The following INTS8 variants were observed in gnomAD, a reference collection of about 807,000 sequenced individuals.
INTS8 encodes the protein protein kaonashi-1.
In INTS8, 47 loss-of-function variants were observed where a neutral mutation model predicts 138.9. The observed-to-expected ratio is 0.34, with a 90% CI of 0.27 to 0.43. The LOEUF is 0.43. INTS8 is among the 20% of genes least tolerant of loss of function. The pLI is 1.00. For missense variants in INTS8, 996 were observed against 1,173.0 expected (o/e 0.85, Z 2.20); for synonymous variants, 392 against 400.9 (o/e 0.98, Z 0.27).
At chr8:94,842,132 G>C (rs995287986) in intron 9 of INTS8, among the ~76,000 whole-genome samples, 1 of 150,502 alleles carries the variant, frequency 6.6e-6, no homozygotes, top group Admixed American at 6.6e-5. Flanking sequence ...CCATTCTGTT[G>C]TCTAATATGT....
intron 16 of INTS8, among the ~76,000 whole-genome samples, chr8:94,864,111 G>T (rs906965939): frequency 3.3e-5 from 5 of 152,096 alleles, no homozygotes; most frequent in Admixed American, 2.0e-4. Flanking sequence ...AAAAATTTAT[G>T]TAGATATATA....
intron 15 of INTS8, among the ~76,000 whole-genome samples, chr8:94,858,307 G>T (rs1488278205): frequency 2.6e-5 from 4 of 152,192 alleles, no homozygotes; most frequent in Non-Finnish European, 5.9e-5. Flanking sequence ...TCTAATTAAA[G>T]TCTAATTTCC....
At chr8:94,878,543 G>A (rs536873111) in intron 26 of INTS8, among the ~76,000 whole-genome samples, 8 of 152,188 alleles carry the variant, frequency 5.3e-5, no homozygotes, top group Non-Finnish European at 1.0e-4. Context: ...ATTTGATGAA[G>A]GCAAATTTTT....
At chr8:94,879,662 G>A (rs1816719659) in intron 26 of INTS8, 1 of 148,514 alleles carries the variant, frequency 6.7e-6, no homozygotes, top group African/African-American at 2.5e-5. Flanking sequence ...AGATTTTAAG[G>A]CCCTAAACAG....
chr8:94,844,475 C>A (rs991819880), intron 10 of INTS8, among the ~76,000 whole-genome samples: 3 of 152,110 alleles, frequency 2.0e-5, no homozygotes, highest in African/African-American at 7.2e-5. Context: ...CACCACCACG[C>A]CCTGCTAATT....
intron 20 of INTS8, among the ~76,000 whole-genome samples, chr8:94,870,815 A>G (rs1034742753): frequency 1.3e-5 from 2 of 152,138 alleles, no homozygotes; most frequent in African/African-American, 4.8e-5. Flanking sequence ...GTCTGAATCC[A>G]CAGCCTGTAT....
At chr8:94,827,700 C>A in intron 3 of INTS8, 22 bp from the exon 4 acceptor site, 1 of 1,600,440 alleles carries the variant, frequency 6.2e-7, no homozygotes, top group Non-Finnish European at 8.6e-7. Flanking sequence ...ATGAAATTTT[C>A]TTTTTCCTGT....
chr8:94,823,534 G>A lies in INTS8; in HGVS notation c.103G>A (p.Glu35Lys). 1.9e-6 allele frequency: 3 copies of A among 1,579,914 alleles called. No individual in the cohort carries two copies. The highest frequency in any genetic ancestry group is 2.6e-6 in the Non-Finnish European group (3 of 1,163,614). The change falls in exon 1 of 27, where the codon GAG becomes AAG. Residue 35 changes from glutamate to lysine, a missense_variant. By Grantham distance (56) the Glu-to-Lys change is moderately conservative (BLOSUM62 1). Coordinates refer to ENST00000523731, the MANE Select transcript of INTS8 (RefSeq NM_017864.4). ...GTTTCTGCTGGAGGAGTCACTGTTG[G>A]AGAAACATCTGCGCAAGCCCTGCCC... ...FEFLLEESLL[E>K]KHLRKPCPDP...
At chr8:94,880,023 A>G in intron 26 of INTS8, 95 bp from the exon 27 acceptor site, 1 of 793,898 alleles carries the variant, frequency 1.3e-6, no homozygotes, top group South Asian at 1.6e-5. Flanking sequence ...ATTAAACTGT[A>G]TCGTTGTTAG....
chr8:94,869,906 C>T (rs1254752883), intron 20 of INTS8, among the ~76,000 whole-genome samples: 1 of 152,148 alleles, frequency 6.6e-6, no homozygotes, highest in Non-Finnish European at 1.5e-5. Context: ...ACCCTAGGGG[C>T]TCTGGGTCAG....
At position 94,880,124 on chromosome 8, in the gene INTS8, G is replaced by A; in HGVS notation, c.2878G>A (p.Ala960Thr). The change falls in exon 27 of 27, where the codon GCC (alanine) becomes ACC (threonine). Residue 960 changes from alanine (A) to threonine (T), a missense_variant. Ala to Thr is a moderately conservative substitution (Grantham distance 58, BLOSUM62 0). Transcript: ENST00000523731. ...CACTTTTCTGTTTTGGAAGATCAAA[G>A]CCATCGGCCAGACAGAGTTGAATGC... ...ETDKRQIAIKAIGQTELNASN... is the reference protein window; with the variant it reads ...ETDKRQIAIKTIGQTELNASN... 6.2e-7 allele frequency: 1 copy of A among 1,603,946 alleles called. No homozygotes were observed. The highest frequency in any genetic ancestry group is 8.5e-7 in the Non-Finnish European group (1 of 1,176,286).
Position 94,838,631 on chromosome 8 carries a change from AGG to A in INTS8, c.1017+17_1017+18del. Reference sequence around the variant, plus strand: ...TGGCAACTATCAGGTAAGGTGTATGAGGGGGATGCAGTGAAGTTTTGGAAGCC... The same window carrying A: ...TGGCAACTATCAGGTAAGGTGTATGAGGGATGCAGTGAAGTTTTGGAAGCC... On this transcript the variant is annotated intron_variant, in intron 8 of 26. Transcript: ENST00000523731. The A allele has an allele frequency of 6.3e-7, 1 of 1,592,166 alleles. No homozygotes were observed. The highest frequency in any genetic ancestry group is 1.1e-5 in the South Asian group (1 of 89,568).
At chr8:94,867,374 T>C in intron 20 of INTS8, 37 bp downstream of exon 20, 1 of 1,513,978 alleles carries the variant, frequency 6.6e-7, no homozygotes. Flanking sequence ...ATTAATTGAG[T>C]TATGTATTTG....
intron 22 of INTS8, among the ~76,000 whole-genome samples, chr8:94,874,326 C>G (rs1311485051): frequency 6.6e-6 from 1 of 151,804 alleles, no homozygotes; most frequent in East Asian, 1.9e-4. Context: ...TTTAAAAATA[C>G]TTATAATGGC....
chr8:94,829,398 C>T (rs1022858824), intron 5 of INTS8, among the ~76,000 whole-genome samples: 7 of 152,008 alleles, frequency 4.6e-5, no homozygotes, highest in Admixed American at 1.3e-4. Context: ...GGATCCCTCG[C>T]GTGTGTAGTT....
At chr8:94,853,369 G>A (rs766485647) in intron 13 of INTS8, among the ~76,000 whole-genome samples, 1 of 152,150 alleles carries the variant, frequency 6.6e-6, no homozygotes, top group Non-Finnish European at 1.5e-5. Context: ...TGATAGTTAT[G>A]ATAGGGGATT....
At position 94,823,576 on chromosome 8, in the gene INTS8, T is replaced by G. The variant is rs1002685684; in HGVS notation, c.130+15T>G. ...GCCCTGCCCGGGTGAGCGCGGCGCCTGCACCTGGGGAGCGGGACCCGGCCA... is the reference window on the plus strand; with the variant it reads ...GCCCTGCCCGGGTGAGCGCGGCGCCGGCACCTGGGGAGCGGGACCCGGCCA... On this transcript the variant is annotated intron_variant, in intron 1 of 26. Transcript: ENST00000523731. 6.5e-7 allele frequency: 1 copy of G among 1,542,406 alleles called. No homozygotes were observed.
intron 7 of INTS8, 127 bp from the exon 8 acceptor site, chr8:94,838,336 C>T (rs908827962): frequency 2.9e-6 from 2 of 694,776 alleles, no homozygotes; most frequent in East Asian, 2.7e-5. Context: ...AGGCGTGAAC[C>T]GCTGTGCCCA....
intron 6 of INTS8, among the ~76,000 whole-genome samples, chr8:94,835,968 C>A: frequency 6.6e-6 from 1 of 152,178 alleles, no homozygotes; most frequent in East Asian, 1.9e-4. Context: ...GGCTTGAGGG[C>A]AGGCATATCA....
Sources: allele counts gnomAD v4.1 joint callset (sites outside exome capture counted in the v4.1 genomes callset), GRCh38; gene constraint gnomAD v4.1.1; transcripts MANE v1.5; gene names NCBI Gene and HGNC (gene_info 2026-07-23, HGNC 2026-07-21).